The following ARHGEF3 variants were observed in gnomAD, a reference collection of about 807,000 sequenced individuals.
ARHGEF3 encodes Rho guanine nucleotide exchange factor 3.
In ARHGEF3, 28 loss-of-function variants were observed where a neutral mutation model predicts 63.2. The ratio of observed to expected loss-of-function variants is 0.44; its 90% confidence interval spans 0.33 to 0.61. The LOEUF is 0.61. Ranked by LOEUF, ARHGEF3 falls within the 20% of genes least tolerant of loss-of-function variation. The probability of loss-of-function intolerance (pLI) is 0.03; values close to 1 mark genes in which losing one functional copy is unlikely to be tolerated. For synonymous variants in ARHGEF3, 266 were observed against 254.2 expected (o/e 1.05, Z -0.44); for missense variants, 533 against 659.3 (o/e 0.81, Z 2.10).
chr3:56,894,059 G>A (rs577724072), intron 3 of ARHGEF3, among the ~76,000 whole-genome samples: 2 of 152,190 alleles, frequency 1.3e-5, no homozygotes, highest in East Asian at 3.9e-4. Flanking sequence ...CACACCGTGT[G>A]GAAAGCACAC....
chr3:57,002,201 G>A (rs958354072), intron 2 of ARHGEF3, among the ~76,000 whole-genome samples: 4 of 151,160 alleles, frequency 2.6e-5, no homozygotes, highest in African/African-American at 7.3e-5. Flanking sequence ...GTGAGCCACC[G>A]GGCCCGGCTG....
chr3:56,736,049 A>AACACACAC (rs10530565), intron 8 of ARHGEF3, among the ~76,000 whole-genome samples: 145 of 147,178 alleles, frequency 9.9e-4, no homozygotes, highest in African/African-American at 2.9e-3. Context: ...CAGAAATTTA[A>AACACACAC]ACACACACAC....
At chr3:56,807,133 G>A (rs2037891798) in intron 4 of ARHGEF3, among the ~76,000 whole-genome samples, 1 of 152,092 alleles carries the variant, frequency 6.6e-6, no homozygotes, top group Admixed American at 6.5e-5. Flanking sequence ...GATCTGCCCC[G>A]CCTTGGCCTC....
intron 3 of ARHGEF3, among the ~76,000 whole-genome samples, chr3:56,889,135 T>C (rs1307779771): frequency 6.6e-6 from 1 of 152,022 alleles, no homozygotes; most frequent in Non-Finnish European, 1.5e-5. Flanking sequence ...AACATTATTG[T>C]TTCCAGGACA....
intron 1 of ARHGEF3, among the ~76,000 whole-genome samples, chr3:57,057,061 G>A (rs1704974175): frequency 6.6e-6 from 1 of 151,966 alleles, no homozygotes; most frequent in Admixed American, 6.6e-5. Context: ...GTCCCGTTAT[G>A]ATCCTGGGTA....
At chr3:56,893,632 C>T (rs1196651380) in intron 3 of ARHGEF3, among the ~76,000 whole-genome samples, 1 of 151,864 alleles carries the variant, frequency 6.6e-6, no homozygotes, top group Non-Finnish European at 1.5e-5. Context: ...ATGGTGAAAC[C>T]CCGTCTCTAC....
intron 3 of ARHGEF3, among the ~76,000 whole-genome samples, chr3:56,896,102 C>T (rs1214018112): frequency 2.0e-5 from 3 of 152,030 alleles, no homozygotes; most frequent in African/African-American, 4.8e-5. Flanking sequence ...GGAACACAGG[C>T]CTTTTTCTTG....
chr3:56,735,422 T>G (rs2033541230), intron 8 of ARHGEF3, among the ~76,000 whole-genome samples: 9 of 152,122 alleles, frequency 5.9e-5, no homozygotes, highest in Admixed American at 5.9e-4. Context: ...CAATGACGTT[T>G]ACAACTCTAC....
At chr3:56,980,339 T>C (rs975416684) in intron 2 of ARHGEF3, among the ~76,000 whole-genome samples, 2 of 152,196 alleles carry the variant, frequency 1.3e-5, no homozygotes, top group Non-Finnish European at 2.9e-5. Flanking sequence ...TGTTTTGTAA[T>C]ACAGTGGTGA....
At chr3:57,046,685 C>T (rs4399856) in intron 1 of ARHGEF3, among the ~76,000 whole-genome samples, 37,986 of 152,028 alleles carry the variant, frequency 0.25, 5,709 homozygotes, top group East Asian at 0.63. Context: ...AGCTGCACTG[C>T]AGGTAAAGTT....
chr3:56,953,274 C>G (rs1237325169), intron 3 of ARHGEF3, among the ~76,000 whole-genome samples: 1 of 152,218 alleles, frequency 6.6e-6, no homozygotes, highest in Non-Finnish European at 1.5e-5. Context: ...AATTTCAGAG[C>G]AACTCTCCAT....
intron 1 of ARHGEF3, among the ~76,000 whole-genome samples, chr3:56,794,488 C>CAA (rs10557985): frequency 4.0e-4 from 47 of 116,844 alleles, no homozygotes; most frequent in African/African-American, 7.4e-4. Flanking sequence ...GACTCTATCT[C>CAA]AAAAAAAAAA....
At chr3:57,025,097 C>T (rs892546270) in intron 2 of ARHGEF3, among the ~76,000 whole-genome samples, 1 of 152,142 alleles carries the variant, frequency 6.6e-6, no homozygotes, top group Admixed American at 6.5e-5. Context: ...TCTGACTCTT[C>T]AAAACGCTAG....
chr3:56,728,770 C>G lies in ARHGEF3; in HGVS notation c.*500G>C, dbSNP rs2032897333. ...GCTTTCTAGTTGAGTAAGATCAAAC[C>G]AAGTTCACTTCATGAGTTGGTCTTT... On this transcript the variant is annotated 3_prime_UTR_variant, in exon 10 of 10. Transcript: ENST00000296315. 1 of 154,024 alleles carries G rather than the reference C, an allele frequency of 6.5e-6. No homozygotes were observed. Among genetic ancestry groups the G allele is most frequent in the Non-Finnish European group, 1.4e-5 (1 of 69,268 alleles). The allele number at this position is 154,024 out of a possible 1,614,324, so 9.5% of individuals were successfully genotyped here.
chr3:56,754,489 T>C (rs965851354), intron 3 of ARHGEF3, among the ~76,000 whole-genome samples: 1 of 152,094 alleles, frequency 6.6e-6, no homozygotes, highest in Non-Finnish European at 1.5e-5. Flanking sequence ...ACACATGAAG[T>C]GCTCAGCACA....
chr3:57,004,323 C>T (rs201461610), intron 2 of ARHGEF3, among the ~76,000 whole-genome samples: 2 of 152,206 alleles, frequency 1.3e-5, no homozygotes, highest in East Asian at 3.8e-4. Context: ...GATAACGTGT[C>T]CACATTTGCA....
At chr3:56,869,018 T>C in intron 4 of ARHGEF3, among the ~76,000 whole-genome samples, 1 of 152,242 alleles carries the variant, frequency 6.6e-6, no homozygotes, top group Non-Finnish European at 1.5e-5. Context: ...TTTTCTTCAA[T>C]GGAATTTATA....
chr3:56,876,077 C>T (rs1450858712), intron 4 of ARHGEF3, among the ~76,000 whole-genome samples: 2 of 152,118 alleles, frequency 1.3e-5, no homozygotes, highest in Non-Finnish European at 2.9e-5. Context: ...GGAGAAGAAA[C>T]AGCATGCATT....
chr3:56,747,064 CAGAGAGAGAGAGAGAG>C (rs5849167), intron 6 of ARHGEF3, among the ~76,000 whole-genome samples: 17,697 of 148,250 alleles, frequency 0.12, 1,230 homozygotes, highest in South Asian at 0.33. Flanking sequence ...CACACACACA[CAGAGAGAGAGAGAGAG>C]AGAGAGAGAG....
Sources: allele counts gnomAD v4.1 joint callset (sites outside exome capture counted in the v4.1 genomes callset), GRCh38; gene constraint gnomAD v4.1.1; transcripts MANE v1.5; gene names NCBI Gene and HGNC (gene_info 2026-07-23, HGNC 2026-07-21).